The following SLC35F1 variants were observed in gnomAD, a reference collection of about 807,000 sequenced individuals.
SLC35F1 encodes the protein solute carrier family 35 member F1.
In SLC35F1, 14 loss-of-function variants were observed where a neutral mutation model predicts 48.7. That is an observed-to-expected ratio of 0.29 (90% CI 0.19 to 0.45). SLC35F1 has a LOEUF of 0.45. Among genes scored for constraint, SLC35F1 ranks in the 20% least tolerant of loss-of-function variants. The pLI, the probability that SLC35F1 is intolerant of heterozygous loss-of-function variation, is 1.00. For missense variants in SLC35F1, 404 were observed against 500.0 expected, an observed-to-expected ratio of 0.81 and a Z score of 1.83; for synonymous variants, 190 against 202.2, an observed-to-expected ratio of 0.94 and a Z score of 0.51.
chr6:118,045,938 A>T (rs1055516559), intron 1 of SLC35F1, among the ~76,000 whole-genome samples: 9 of 145,254 alleles, frequency 6.2e-5, no homozygotes, highest in African/African-American at 2.0e-4. Context: ...CAGTTTGCTG[A>T]TGAGGAAAGT....
At chr6:117,910,756 G>C (rs114248915) in intron 1 of SLC35F1, among the ~76,000 whole-genome samples, 1,991 of 152,288 alleles carry the variant, frequency 0.013, 55 homozygotes, top group African/African-American at 0.045. Flanking sequence ...AATGGGACGA[G>C]AAATATTAGA....
chr6:118,004,808 C>G (rs1359162595), intron 1 of SLC35F1, among the ~76,000 whole-genome samples: 1 of 151,880 alleles, frequency 6.6e-6, no homozygotes, highest in Non-Finnish European at 1.5e-5. Context: ...CTTGGCCTCT[C>G]AAAGTGCTGA....
chr6:117,951,751 C>T (rs1776365434), intron 1 of SLC35F1, among the ~76,000 whole-genome samples: 2 of 152,078 alleles, frequency 1.3e-5, no homozygotes. Flanking sequence ...GGCTAGTGTT[C>T]AAGGACCCCA....
At chr6:117,987,447 C>G (rs535477256) in intron 1 of SLC35F1, among the ~76,000 whole-genome samples, 1 of 151,504 alleles carries the variant, frequency 6.6e-6, no homozygotes, top group East Asian at 1.9e-4. Flanking sequence ...CTCCTCCTCC[C>G]TTCCCTTCTC....
chr6:118,297,006 G>A (rs776756985), intron 7 of SLC35F1, among the ~76,000 whole-genome samples: 4 of 152,072 alleles, frequency 2.6e-5, no homozygotes, highest in Non-Finnish European at 5.9e-5. Context: ...AGATTGGCTC[G>A]AACATTAAAG....
chr6:117,958,530 AT>A (rs1776455725), intron 1 of SLC35F1, among the ~76,000 whole-genome samples: 1 of 151,960 alleles, frequency 6.6e-6, no homozygotes, highest in Admixed American at 6.6e-5. Context: ...TTTATACCAT[AT>A]TTTTTCTGTA....
At chr6:118,225,909 A>G (rs1775210864) in intron 2 of SLC35F1, among the ~76,000 whole-genome samples, 1 of 151,218 alleles carries the variant, frequency 6.6e-6, no homozygotes. Flanking sequence ...AGCAAAGGAA[A>G]CAATTAACAA....
At chr6:118,094,675 G>C (rs1026448148) in intron 1 of SLC35F1, among the ~76,000 whole-genome samples, 7 of 152,058 alleles carry the variant, frequency 4.6e-5, no homozygotes, top group African/African-American at 1.7e-4. Context: ...AGTAAGAAGA[G>C]GGAGGACTGA....
intron 5 of SLC35F1, 146 bp from the exon 6 acceptor site, chr6:118,277,348 T>C (rs1464107553): frequency 4.1e-6 from 3 of 725,632 alleles, no homozygotes; most frequent in East Asian, 5.3e-5. Context: ...TTAGACTTGC[T>C]TCTGCATGAC....
intron 1 of SLC35F1, among the ~76,000 whole-genome samples, chr6:118,052,853 T>A (rs1292276683): frequency 6.6e-6 from 1 of 152,200 alleles, no homozygotes; most frequent in African/African-American, 2.4e-5. Flanking sequence ...TGTAGTTTCT[T>A]TCCCTATTGT....
Position 117,907,563 on chromosome 6 carries a change from C to T in SLC35F1, c.-164C>T, listed in dbSNP as rs1347392687. The T allele has an allele frequency of 1.8e-3, 704 of 384,236 alleles. 15 individuals are homozygous for T. In the East Asian group the frequency reaches 0.029, roughly 16 times the overall value. 23.8% of individuals were successfully genotyped at this position (384,236 alleles called of 1,614,324 possible). On this transcript the variant is annotated 5_prime_UTR_variant, in exon 1 of 8. Coordinates refer to ENST00000360388, the MANE Select transcript of SLC35F1 (RefSeq NM_001029858.4). ...GAGTGAGTGGCGGGCTGGGCGGCGG[C>T]GGCCGTAGCCGCGGGTGCCTCCCCG...
intron 1 of SLC35F1, among the ~76,000 whole-genome samples, chr6:117,997,159 G>C (rs1182324229): frequency 2.0e-5 from 3 of 152,062 alleles, no homozygotes; most frequent in African/African-American, 7.2e-5. Context: ...CGATCAACTG[G>C]AAGAAAGGGT....
intron 1 of SLC35F1, among the ~76,000 whole-genome samples, chr6:117,949,110 A>G (rs1287007257): frequency 6.6e-6 from 1 of 152,158 alleles, no homozygotes. Flanking sequence ...TACAGTATTT[A>G]TCCAATTTTT....
intron 1 of SLC35F1, among the ~76,000 whole-genome samples, chr6:118,109,912 G>A (rs1045293017): frequency 6.6e-6 from 1 of 152,150 alleles, no homozygotes; most frequent in Non-Finnish European, 1.5e-5. Context: ...ATTATTAAGG[G>A]CTTTCCCTCT....
chr6:118,175,920 T>C (rs1774481567), intron 2 of SLC35F1, among the ~76,000 whole-genome samples: 1 of 152,030 alleles, frequency 6.6e-6, no homozygotes, highest in Non-Finnish European at 1.5e-5. Flanking sequence ...TTATTTATAG[T>C]GAGACCAATT....
intron 2 of SLC35F1, among the ~76,000 whole-genome samples, chr6:118,155,482 T>G (rs539014435): frequency 6.6e-6 from 1 of 152,308 alleles, no homozygotes; most frequent in Admixed American, 6.5e-5. Flanking sequence ...TCCTGCTCTC[T>G]CATGTGTGCT....
intron 1 of SLC35F1, among the ~76,000 whole-genome samples, chr6:117,992,392 A>G (rs1189155837): frequency 1.3e-5 from 2 of 152,208 alleles, no homozygotes; most frequent in Admixed American, 1.3e-4. Flanking sequence ...ATTGGAGCAG[A>G]TGTGAACTTC....
intron 1 of SLC35F1, among the ~76,000 whole-genome samples, chr6:118,087,018 A>G (rs1773001515): frequency 6.6e-6 from 1 of 152,304 alleles, no homozygotes; most frequent in South Asian, 2.1e-4. Flanking sequence ...TTTGTTCCCC[A>G]GTCCCCCGGG....
chr6:118,308,033 C>T (rs1214739466), intron 7 of SLC35F1, among the ~76,000 whole-genome samples: 1 of 152,224 alleles, frequency 6.6e-6, no homozygotes, highest in Admixed American at 6.5e-5. Context: ...CCGAAAGGTC[C>T]ACCCTTTAAT....
Sources: gnomAD v4.1 joint callset for allele counts (sites outside exome capture counted in the v4.1 genomes callset) on GRCh38, gnomAD v4.1.1 for gene constraint, MANE v1.5 for transcripts, NCBI Gene and HGNC (gene_info 2026-07-23, HGNC 2026-07-21) for gene names.